ADAMTS6: variants seen among roughly 807,000 people sequenced by gnomAD.
The protein encoded by ADAMTS6 is ADAM metallopeptidase with thrombospondin type 1 motif 6.
In ADAMTS6, 23 loss-of-function variants were observed where a neutral mutation model predicts 144.3. That is an observed-to-expected ratio of 0.16 (90% CI 0.11 to 0.23). The LOEUF (loss-of-function observed/expected upper bound fraction) is 0.23, where lower values mean the gene tolerates loss of function less well. ADAMTS6 is among the 10% of genes least tolerant of loss of function. ADAMTS6 has a pLI of 1.00. For synonymous variants in ADAMTS6, 444 were observed against 457.5 expected, an observed-to-expected ratio of 0.97 and a Z score of 0.38; for missense variants, 999 against 1,379.6, an observed-to-expected ratio of 0.72 and a Z score of 4.37.
At chr5:65,423,343 A>T (rs1000688516) in intron 7 of ADAMTS6, among the ~76,000 whole-genome samples, 3 of 152,322 alleles carry the variant, frequency 2.0e-5, no homozygotes, top group South Asian at 2.1e-4. Flanking sequence ...TATAAATTTT[A>T]AAAATTCCTC....
intron 4 of ADAMTS6, 115 bp downstream of exon 4, chr5:65,460,055 T>C (rs1049202226): frequency 2.6e-6 from 3 of 1,165,924 alleles, no homozygotes; most frequent in African/African-American, 3.1e-5. Flanking sequence ...CTGGACATTA[T>C]AATTGTAGTC....
At chr5:65,384,949 G>C (rs1322431576) in intron 7 of ADAMTS6, among the ~76,000 whole-genome samples, 4 of 152,304 alleles carry the variant, frequency 2.6e-5, no homozygotes, top group Admixed American at 2.0e-4. Context: ...AGGGTTTTCT[G>C]CATCATAGAT....
intron 7 of ADAMTS6, among the ~76,000 whole-genome samples, chr5:65,357,202 C>A (rs965739320): frequency 6.6e-6 from 1 of 151,518 alleles, no homozygotes; most frequent in African/African-American, 2.4e-5. Flanking sequence ...ACAACACACC[C>A]CTGAACCACC....
intron 9 of ADAMTS6, among the ~76,000 whole-genome samples, chr5:65,309,379 A>C (rs1165155318): frequency 7.1e-6 from 1 of 141,394 alleles, no homozygotes; most frequent in Non-Finnish European, 1.5e-5. Flanking sequence ...AGTTCACAAA[A>C]GGGCTCTCGC....
chr5:65,211,754 C>CTA (rs1293681019), intron 20 of ADAMTS6, among the ~76,000 whole-genome samples: 8 of 152,194 alleles, frequency 5.3e-5, no homozygotes, highest in Non-Finnish European at 2.9e-5. Context: ...AGTAGCAACT[C>CTA]TAAACTTTCA....
intron 7 of ADAMTS6, among the ~76,000 whole-genome samples, chr5:65,426,278 C>T (rs937927365): frequency 5.3e-5 from 8 of 149,652 alleles, no homozygotes; most frequent in Non-Finnish European, 1.2e-4. Context: ...AGGCTGGTCT[C>T]GAACTCCTGA....
intron 12 of ADAMTS6, among the ~76,000 whole-genome samples, chr5:65,264,630 T>G (rs1761464726): frequency 6.6e-6 from 1 of 152,148 alleles, no homozygotes; most frequent in South Asian, 2.1e-4. Flanking sequence ...ATTACTTCTT[T>G]GTAATGTAAA....
chr5:65,389,620 T>C (rs930943526), intron 7 of ADAMTS6, among the ~76,000 whole-genome samples: 5 of 151,892 alleles, frequency 3.3e-5, no homozygotes, highest in African/African-American at 1.2e-4. Context: ...ACTAGATACA[T>C]AGTACCTAGC....
intron 7 of ADAMTS6, among the ~76,000 whole-genome samples, chr5:65,406,915 C>A (rs180803286): frequency 6.6e-6 from 1 of 151,828 alleles, no homozygotes; most frequent in Non-Finnish European, 1.5e-5. Context: ...TGAAATGAAG[C>A]GAGAAGAGAA....
intron 11 of ADAMTS6, among the ~76,000 whole-genome samples, chr5:65,283,923 G>T (rs1763173436): frequency 6.6e-6 from 1 of 152,030 alleles, no homozygotes; most frequent in Admixed American, 6.6e-5. Context: ...CCAGAAAATG[G>T]TTTTTGAGGC....
At chr5:65,389,966 A>G (rs927576222) in intron 7 of ADAMTS6, among the ~76,000 whole-genome samples, 2 of 152,220 alleles carry the variant, frequency 1.3e-5, no homozygotes, top group African/African-American at 4.8e-5. Context: ...AGAGTGTTCA[A>G]GAGAACTCTC....
intron 7 of ADAMTS6, among the ~76,000 whole-genome samples, chr5:65,446,826 AGG>A (rs991641449): frequency 1.1e-4 from 16 of 152,156 alleles, no homozygotes; most frequent in African/African-American, 3.9e-4. Flanking sequence ...AGGGGAATGT[AGG>A]GAATGGAGGA....
chr5:65,327,168 G>A (rs567912572), intron 9 of ADAMTS6, among the ~76,000 whole-genome samples: 1 of 152,200 alleles, frequency 6.6e-6, no homozygotes, highest in African/African-American at 2.4e-5. Context: ...TTGCCATGTG[G>A]TGCACTGGCT....
intron 9 of ADAMTS6, among the ~76,000 whole-genome samples, chr5:65,328,218 T>G (rs979032158): frequency 6.6e-6 from 1 of 152,082 alleles, no homozygotes; most frequent in Non-Finnish European, 1.5e-5. Context: ...TGCAGCCGAC[T>G]GACCCAATTT....
At chr5:65,169,958 G>T (rs1056286922) in intron 24 of ADAMTS6, among the ~76,000 whole-genome samples, 4 of 151,514 alleles carry the variant, frequency 2.6e-5, no homozygotes, top group Non-Finnish European at 5.9e-5. Flanking sequence ...AGTGGGTGCA[G>T]CGCACCAGCA....
chr5:65,194,390 C>T (rs1003599674), intron 21 of ADAMTS6, among the ~76,000 whole-genome samples: 1 of 152,182 alleles, frequency 6.6e-6, no homozygotes, highest in Non-Finnish European at 1.5e-5. Flanking sequence ...GCGTAAATGA[C>T]CAATACTCTA....
chr5:65,211,542 C>T (rs943709238), intron 20 of ADAMTS6, among the ~76,000 whole-genome samples: 2 of 151,734 alleles, frequency 1.3e-5, no homozygotes, highest in Non-Finnish European at 2.9e-5. Context: ...GCAGAGGTTG[C>T]AGTGAGCCGA....
intron 18 of ADAMTS6, among the ~76,000 whole-genome samples, chr5:65,216,320 A>G (rs1428294034): frequency 6.6e-6 from 1 of 152,190 alleles, no homozygotes; most frequent in Non-Finnish European, 1.5e-5. Context: ...TAAATGGAAG[A>G]GACCAGACAG....
intron 3 of ADAMTS6, among the ~76,000 whole-genome samples, chr5:65,467,691 A>G (rs1760131786): frequency 6.6e-6 from 1 of 152,188 alleles, no homozygotes; most frequent in Admixed American, 6.5e-5. Flanking sequence ...TATTAATCAA[A>G]CATGAGGGCT....
Sources: allele counts gnomAD v4.1 joint callset (sites outside exome capture counted in the v4.1 genomes callset), GRCh38; gene constraint gnomAD v4.1.1; transcripts MANE v1.5; gene names NCBI Gene and HGNC (gene_info 2026-07-23, HGNC 2026-07-21).